Variants in SCARA3 observed in about 807,000 individuals in gnomAD.
SCARA3 encodes cellular stress response gene protein.
In SCARA3, 39 loss-of-function variants were observed where a neutral mutation model predicts 47.0. The ratio of observed to expected loss-of-function variants is 0.83; its 90% CI spans 0.64 to 1.08. SCARA3 has a LOEUF of 1.08. SCARA3 is among the 50% of genes least tolerant of loss of function. The pLI is 0.00. For synonymous variants in SCARA3, 356 were observed against 334.1 expected (o/e 1.07, Z -0.71); for missense variants, 724 against 792.3 (o/e 0.91, Z 1.04).
the SCARA3 span, among the ~76,000 whole-genome samples, chr8:27,717,812 C>A: frequency 0.032 from 4,916 of 152,116 alleles, 269 homozygotes; most frequent in African/African-American, 0.11. Flanking sequence ...AAGAAAGAAA[C>A]CAATTTTAAG....
At chr8:27,660,852 A>T (rs560397764) in intron 5 of SCARA3, among the ~76,000 whole-genome samples, 1,695 of 147,610 alleles carry the variant, frequency 0.011, 14 homozygotes, top group Middle Eastern at 0.028. Context: ...CTAGATAGAT[A>T]GATAGATAGA....
the SCARA3 span, among the ~76,000 whole-genome samples, chr8:27,712,736 T>C: frequency 6.6e-6 from 1 of 152,202 alleles, no homozygotes. Context: ...AAAGCTGCTA[T>C]AAACATCCAT....
chr8:27,712,306 G>A, the SCARA3 span, among the ~76,000 whole-genome samples: 2 of 152,262 alleles, frequency 1.3e-5, no homozygotes, highest in East Asian at 3.9e-4. Context: ...GCTCATGCCT[G>A]TAATCCCAGC....
chr8:27,649,822 CT>C (rs1563404602), intron 2 of SCARA3, 22 bp downstream of exon 2: 2 of 1,588,728 alleles, frequency 1.3e-6, no homozygotes, highest in East Asian at 4.5e-5. Flanking sequence ...GGGGCTGCCC[CT>C]GATCTCCGCT....
intron 1 of SCARA3, among the ~76,000 whole-genome samples, chr8:27,641,052 T>C (rs778404484): frequency 2.0e-5 from 3 of 152,236 alleles, no homozygotes; most frequent in Admixed American, 6.5e-5. Context: ...TCTACGAGCA[T>C]TTATGTAACC....
At position 27,647,056 on chromosome 8, in the gene SCARA3, C is replaced by T. The variant is rs189678794; in HGVS notation, c.8-2646C>T. On this transcript the variant is annotated intron_variant, in intron 1 of 5. Transcript: ENST00000301904. The stretch of plus-strand genomic sequence containing the variant: ...ATTGTGGAGAGGAAAACCAGGATTC[C>T]GGAAGCTTTGCCACTGCCCAGCTCT... 4.0e-4 allele frequency among the ~76,000 whole-genome samples: 57 copies of T among 143,228 alleles called. 1 individual carries two copies. The highest frequency in any genetic ancestry group is 3.3e-3 in the Admixed American group (44 of 13,328). 94.0% of individuals were successfully genotyped at this position (143,228 alleles called of 152,430 possible). A position where few individuals can be genotyped will look rare whatever the true frequency, so the allele number is the denominator to read the frequency against.
rs922668655 is a variant in SCARA3, at chr8:27,659,203, T to G, written c.1033T>G (p.Ser345Ala). 6.2e-7 allele frequency: 1 copy of G among 1,613,714 alleles called. No homozygotes were observed. The highest frequency in any genetic ancestry group is 8.5e-7 in the Non-Finnish European group (1 of 1,179,956). ...GAACCGCACTGTGGAGAGGTTTGAG[T>G]CTCTGGAAGGACGCATGGCTTCTCA... ...AQNRTVERFE[S>A]LEGRMASHEI... is the part of the protein sequence containing the mutation. Residue 345 changes from serine to alanine, a missense_variant, in exon 5 of 6, where the codon TCT becomes GCT. By Grantham distance (99) the Ser-to-Ala change is moderately conservative. Transcript: ENST00000301904.
chr8:27,712,367 T>C, the SCARA3 span, among the ~76,000 whole-genome samples: 2 of 151,498 alleles, frequency 1.3e-5, no homozygotes, highest in Non-Finnish European at 2.9e-5. Flanking sequence ...ATCGAGACCA[T>C]CCCGGCTAAA....
chr8:27,634,238 G>A (rs756093100), intron 1 of SCARA3, 31 bp downstream of exon 1: 6 of 1,338,488 alleles, frequency 4.5e-6, no homozygotes, highest in East Asian at 2.8e-5. Flanking sequence ...GCAGCTCCGA[G>A]GGGGGCCGCC....
Position 27,671,300 on chromosome 8 carries a change from C to G in SCARA3, c.1770C>G (p.Pro590=). 5 of 1,435,962 alleles carry G rather than the reference C, an allele frequency of 3.5e-6. No individual in the cohort carries two copies. Among genetic ancestry groups the G allele is most frequent in the Non-Finnish European group, 4.6e-6 (5 of 1,094,036 alleles). The allele number at this position is 1,435,962 out of a possible 1,614,324, so 89.0% of individuals were successfully genotyped here. The change falls in exon 6 of 6, where the codon CCC becomes CCG. Residue 590 remains proline, a synonymous_variant. Transcript: ENST00000301904. The part of the protein sequence containing the change: ...GPKGEPGIQG[P]PGLPGPPGPP... ...AGGGTGAACCAGGGATCCAGGGTCC[C>G]CCTGGTCTCCCGGGGCCTCCAGGTC... is the stretch of plus-strand genomic sequence containing the variant.
chr8:27,704,824 G>T, the SCARA3 span, among the ~76,000 whole-genome samples: 1 of 152,166 alleles, frequency 6.6e-6, no homozygotes, highest in Non-Finnish European at 1.5e-5. Flanking sequence ...CCTACTGTTT[G>T]GAAATGAGTG....
chr8:27,683,312 ATCT>A, the SCARA3 span, among the ~76,000 whole-genome samples: 1 of 152,160 alleles, frequency 6.6e-6, no homozygotes, highest in Admixed American at 6.5e-5. Flanking sequence ...GCATAAGGAA[ATCT>A]TCTGAGGTGA....
chr8:27,683,083 G>A, the SCARA3 span, among the ~76,000 whole-genome samples: 1,533 of 152,128 alleles, frequency 0.01, 18 homozygotes, highest in African/African-American at 0.035. Flanking sequence ...TAAACAAGTT[G>A]CGGCATACCC....
intron 5 of SCARA3, among the ~76,000 whole-genome samples, chr8:27,666,903 T>C (rs540242359): frequency 2.0e-5 from 3 of 152,068 alleles, no homozygotes; most frequent in Non-Finnish European, 4.4e-5. Context: ...TGGACCCTAA[T>C]GAGCCTGGAA....
At chr8:27,712,673 C>T in the SCARA3 span, among the ~76,000 whole-genome samples, 2 of 151,792 alleles carry the variant, frequency 1.3e-5, no homozygotes, top group African/African-American at 2.4e-5. Flanking sequence ...TTTATTTATC[C>T]ATTCCCCTCT....
At chr8:27,652,355 C>A (rs1585282155) in intron 3 of SCARA3, among the ~76,000 whole-genome samples, 2 of 152,198 alleles carry the variant, frequency 1.3e-5, no homozygotes, top group South Asian at 4.1e-4. Flanking sequence ...TGTTTGTAAT[C>A]CCATTCCACT....
the SCARA3 span, among the ~76,000 whole-genome samples, chr8:27,731,556 G>T: frequency 6.8e-6 from 1 of 147,082 alleles, no homozygotes; most frequent in African/African-American, 2.5e-5. Flanking sequence ...GCTGAGGCAG[G>T]ATAATTGCCT....
the SCARA3 span, among the ~76,000 whole-genome samples, chr8:27,725,005 G>A: frequency 3.9e-5 from 6 of 152,258 alleles, no homozygotes; most frequent in South Asian, 1.2e-3. Context: ...AAAATAGGAA[G>A]AATCGGTGGT....
chr8:27,670,849 G>A, intron 5 of SCARA3, 51 bp from the exon 6 acceptor site: 1 of 1,461,922 alleles, frequency 6.8e-7, no homozygotes, highest in Non-Finnish European at 9.2e-7. Flanking sequence ...GCGAGCCTCG[G>A]GTGGGGAGCC....
Sources: allele counts gnomAD v4.1 joint callset (sites outside exome capture counted in the v4.1 genomes callset), GRCh38; gene constraint gnomAD v4.1.1; transcripts MANE v1.5; gene names NCBI Gene and HGNC (gene_info 2026-07-23, HGNC 2026-07-21).